Variants in NTN4 observed in about 807,000 individuals in gnomAD.
NTN4 encodes the protein netrin 4, also known as netrin-4.
In NTN4, 32 loss-of-function variants were observed where a neutral mutation model predicts 73.6. The observed-to-expected ratio is 0.44, with a 90% CI of 0.33 to 0.58. The LOEUF (loss-of-function observed/expected upper bound fraction) is 0.58, where lower values mean the gene tolerates loss of function less well. Ranked by LOEUF, NTN4 falls within the 20% of genes least tolerant of loss-of-function variation. The pLI is 0.04. For missense variants in NTN4, 654 were observed against 798.3 expected, an observed-to-expected ratio of 0.82 and a Z score of 2.18; for synonymous variants, 258 against 287.5, an observed-to-expected ratio of 0.90 and a Z score of 1.04.
At chr12:95,735,908 TA>T (rs879477078) in intron 3 of NTN4, among the ~76,000 whole-genome samples, 6 of 52,456 alleles carry the variant, frequency 1.1e-4, no homozygotes, top group Admixed American at 4.4e-4. Flanking sequence ...TTTAAATTTT[TA>T]TTTATTTATT....
At chr12:95,695,957 C>T (rs1001824123) in intron 5 of NTN4, among the ~76,000 whole-genome samples, 9 of 147,080 alleles carry the variant, frequency 6.1e-5, no homozygotes, top group Admixed American at 2.7e-4. Flanking sequence ...CTTTCCCTCC[C>T]TCCCTCTTTC....
chr12:95,776,605 T>C (rs1002158047), intron 2 of NTN4, among the ~76,000 whole-genome samples: 8 of 152,084 alleles, frequency 5.3e-5, no homozygotes, highest in African/African-American at 1.9e-4. Context: ...AAGAGAAGTT[T>C]AGAGAAAAAG....
chr12:95,675,779 T>C (rs2078268791), intron 7 of NTN4, among the ~76,000 whole-genome samples: 1 of 152,172 alleles, frequency 6.6e-6, no homozygotes, highest in Admixed American at 6.6e-5. Flanking sequence ...GGAGTTCAGA[T>C]ACAAAGGAGT....
chr12:95,741,429 A>T (rs1453689646), intron 2 of NTN4, among the ~76,000 whole-genome samples: 6 of 10,414 alleles, frequency 5.8e-4, no homozygotes, highest in Non-Finnish European at 1.2e-3. Context: ...TGTATAAATT[A>T]TATATATATA....
chr12:95,743,285 G>A (rs2078839431), intron 2 of NTN4, among the ~76,000 whole-genome samples: 1 of 151,886 alleles, frequency 6.6e-6, no homozygotes, highest in Non-Finnish European at 1.5e-5. Flanking sequence ...TTGTTTTTCT[G>A]TTTTTCTTTT....
At chr12:95,678,855 T>C (rs2078294654) in intron 7 of NTN4, among the ~76,000 whole-genome samples, 1 of 152,184 alleles carries the variant, frequency 6.6e-6, no homozygotes, top group Admixed American at 6.5e-5. Flanking sequence ...GTGACACATA[T>C]ACACCATGGA....
chr12:95,762,038 G>A (rs1437205657), intron 2 of NTN4, among the ~76,000 whole-genome samples: 1 of 151,790 alleles, frequency 6.6e-6, no homozygotes, highest in Admixed American at 6.6e-5. Flanking sequence ...TGTTAAACAC[G>A]TTCCCTGACT....
Position 95,751,652 on chromosome 12 carries a change from C to T in NTN4, c.586-13508G>A, listed in dbSNP as rs371652430. Among the ~76,000 whole-genome samples, 1,236 of 152,078 alleles carry T rather than the reference C, an allele frequency of 8.1e-3. 16 individuals carry two copies. The highest frequency in any genetic ancestry group is 0.028 in the African/African-American group (1,154 of 41,470). ...TCTTCTCGGCTTAGCGGCTGAAGACCGACACTGCCCGATCACCTCGGAAGC... is the reference window on the plus strand; with the variant it reads ...TCTTCTCGGCTTAGCGGCTGAAGACTGACACTGCCCGATCACCTCGGAAGC... On this transcript the variant is annotated intron_variant, in intron 2 of 9. Transcript: ENST00000343702.
At chr12:95,751,095 G>C (rs1014501669) in intron 2 of NTN4, among the ~76,000 whole-genome samples, 43 of 152,252 alleles carry the variant, frequency 2.8e-4, no homozygotes, top group Middle Eastern at 3.4e-3. Flanking sequence ...AAGGTCAAAA[G>C]GCCGTCTTAT....
rs374699225 is a variant in NTN4, at chr12:95,668,891, C to T, written c.1579+1187G>A. 4.1e-4 allele frequency among the ~76,000 whole-genome samples: 63 copies of T among 152,196 alleles called. No individual in the cohort carries two copies. The South Asian group carries it at 0.011, about 27-fold the overall frequency. ...CTATAATCCCAGCACTTTGGGAGGCCGAGGCAGGCGGATCACGAGGTCAGG... is the reference window on the plus strand; with the variant it reads ...CTATAATCCCAGCACTTTGGGAGGCTGAGGCAGGCGGATCACGAGGTCAGG... On this transcript the variant is annotated intron_variant, in intron 8 of 9. Coordinates refer to ENST00000343702, the MANE Select transcript of NTN4 (RefSeq NM_021229.4).
rs540631239 is a variant in NTN4 at position 95,723,870 on chromosome 12, T to A, written c.865-10532A>T. ...TGATTCTTTGAATTTTCCTTTGAAC[T>A]GTTTGTAATGTCTTACTGGCCTGTC... On this transcript the variant is annotated intron_variant, in intron 3 of 9. Coordinates refer to ENST00000343702, the MANE Select transcript of NTN4 (RefSeq NM_021229.4). 7.2e-5 allele frequency among the ~76,000 whole-genome samples: 11 copies of A among 152,358 alleles called. No individual in the cohort carries two copies. In the East Asian group the frequency reaches 9.6e-4, roughly 13 times the overall value.
chr12:95,711,945 C>G (rs2078567306), intron 4 of NTN4, among the ~76,000 whole-genome samples: 1 of 152,028 alleles, frequency 6.6e-6, no homozygotes, highest in Non-Finnish European at 1.5e-5. Context: ...GAAATTCTGA[C>G]CAGATTCATA....
chr12:95,674,320 C>A (rs2078256942), intron 7 of NTN4, among the ~76,000 whole-genome samples: 1 of 152,182 alleles, frequency 6.6e-6, no homozygotes, highest in Non-Finnish European at 1.5e-5. Context: ...TTCTCTTTAA[C>A]CCTTCAGCCT....
intron 2 of NTN4, among the ~76,000 whole-genome samples, chr12:95,777,022 A>G (rs2079098500): frequency 6.6e-6 from 1 of 152,216 alleles, no homozygotes; most frequent in African/African-American, 2.4e-5. Context: ...TTCTTAAAGA[A>G]AAGAATTTTC....
chr12:95,659,009 C>T lies in NTN4; in HGVS notation c.*77G>A, dbSNP rs2078114523. On this transcript the variant is annotated 3_prime_UTR_variant, in exon 10 of 10. Coordinates refer to ENST00000343702, the MANE Select transcript of NTN4 (RefSeq NM_021229.4). ...TTGGCACTTTAAAAAATTCCAGTTT[C>T]CTGTCTGAGGTCTTCTTGCTCTAAA... is the stretch of plus-strand genomic sequence containing the variant. 2.1e-6 allele frequency: 3 copies of T among 1,416,860 alleles called. No individual in the cohort carries two copies. Among genetic ancestry groups the T allele is most frequent in the Non-Finnish European group, 2.8e-6 (3 of 1,054,518 alleles). The allele number at this position is 1,416,860 out of a possible 1,614,324, so 87.8% of individuals were successfully genotyped here. A position where few individuals can be genotyped will look rare whatever the true frequency, so the allele number is the denominator to read the frequency against.
At chr12:95,757,295 A>G (rs945355970) in intron 2 of NTN4, among the ~76,000 whole-genome samples, 7 of 152,088 alleles carry the variant, frequency 4.6e-5, no homozygotes, top group Non-Finnish European at 7.4e-5. Flanking sequence ...TCTTTCAGAT[A>G]CAGAAACTCT....
chr12:95,769,780 G>C (rs10859945), intron 2 of NTN4, among the ~76,000 whole-genome samples: 49,520 of 144,198 alleles, frequency 0.34, 9,066 homozygotes, highest in East Asian at 0.59. Context: ...TTTTGAGACG[G>C]AGTTTCACTC....
At chr12:95,771,580 A>T (rs2079059847) in intron 2 of NTN4, among the ~76,000 whole-genome samples, 1 of 152,186 alleles carries the variant, frequency 6.6e-6, no homozygotes, top group Non-Finnish European at 1.5e-5. Flanking sequence ...AAAAATGTGT[A>T]CAATGCTATA....
rs183380040 is a variant in NTN4 at position 95,746,999 on chromosome 12, C to T, written c.586-8855G>A. ...TGGATGAGAAGTGACATGTAAAAAC[C>T]CAAGGCAGCTTAACTTTTATAAAAC... On this transcript the variant is annotated intron_variant, in intron 2 of 9. Coordinates refer to ENST00000343702, the MANE Select transcript of NTN4 (RefSeq NM_021229.4). Among the ~76,000 whole-genome samples, 5 of 152,158 alleles carry T rather than the reference C, an allele frequency of 3.3e-5. No individual in the cohort carries two copies. In the East Asian group the frequency reaches 9.7e-4, roughly 29 times the overall value.
Sources: allele counts gnomAD v4.1 joint callset (sites outside exome capture counted in the v4.1 genomes callset), GRCh38; gene constraint gnomAD v4.1.1; transcripts MANE v1.5; gene names NCBI Gene and HGNC (gene_info 2026-07-23, HGNC 2026-07-21).